RP1: variants seen among roughly 807,000 people sequenced by gnomAD.
RP1 encodes the protein RP1 axonemal microtubule associated.
Under a neutral mutation model 14.8 loss-of-function variants are expected in RP1, and 16 were observed. That is an observed-to-expected ratio of 1.08 (90% CI 0.73 to 1.65). The LOEUF (loss-of-function observed/expected upper bound fraction) is 1.65, where lower values mean the gene tolerates loss of function less well. RP1 is among the 40% of genes most tolerant of loss of function. The pLI is 0.00. For missense variants in RP1, 2,631 were observed against 2,535.0 expected (o/e 1.04, Z -0.81); for synonymous variants, 876 against 883.6 (o/e 0.99, Z 0.15).
intron 15 of RP1, chr8:54,706,716 G>A (rs553440382): frequency 6.7e-6 from 10 of 1,488,362 alleles, no homozygotes; most frequent in African/African-American, 4.2e-5. Context: ...TTGTAGACAT[G>A]AGAATAGCAC....
intron 1 of RP1, among the ~76,000 whole-genome samples, chr8:54,593,215 CTGAT>C (rs1805078183): frequency 6.6e-6 from 1 of 152,164 alleles, no homozygotes; most frequent in South Asian, 2.1e-4. Context: ...TGATGACTGA[CTGAT>C]CTTTAATCTG....
At chr8:54,675,953 T>C (rs1807286253) in intron 8 of RP1, among the ~76,000 whole-genome samples, 1 of 152,160 alleles carries the variant, frequency 6.6e-6, no homozygotes, top group African/African-American at 2.4e-5. Context: ...TGGCATTTGT[T>C]GTCTTGGGAG....
intron 24 of RP1, among the ~76,000 whole-genome samples, chr8:54,808,001 A>C (rs952397941): frequency 4.0e-5 from 6 of 151,866 alleles, no homozygotes; most frequent in African/African-American, 1.5e-4. Flanking sequence ...ACACCTTCTC[A>C]GGAACACTTA....
intron 1 of RP1, among the ~76,000 whole-genome samples, chr8:54,568,275 C>T (rs933685571): frequency 6.6e-6 from 1 of 152,078 alleles, no homozygotes; most frequent in Non-Finnish European, 1.5e-5. Context: ...GGGAAATATG[C>T]ATGGATTAGG....
At chr8:54,653,585 G>GA (rs1806698084) in intron 5 of RP1, among the ~76,000 whole-genome samples, 2 of 152,118 alleles carry the variant, frequency 1.3e-5, no homozygotes, top group Non-Finnish European at 2.9e-5. Context: ...CATAGATGAT[G>GA]AGTAATTCCT....
intron 19 of RP1, among the ~76,000 whole-genome samples, chr8:54,754,142 C>T (rs575626774): frequency 6.6e-6 from 1 of 152,132 alleles, no homozygotes; most frequent in South Asian, 2.1e-4. Context: ...GGAGGATTCA[C>T]TGGGTTGGGG....
At chr8:54,771,673 G>A (rs1406723339), downstream of RP1, among the ~76,000 whole-genome samples, 11 of 152,010 alleles carry the variant, frequency 7.2e-5, no homozygotes, top group Admixed American at 7.2e-4. Flanking sequence ...ATGATACAAT[G>A]TCATTGTGAA....
rs539603131 is a variant in RP1 at position 54,589,953 on chromosome 8, CT to C, written c.-13+30639del. Among the ~76,000 whole-genome samples the C allele has an allele frequency of 1.2e-3, 175 of 152,152 alleles. 1 individual carries two copies. Among genetic ancestry groups the C allele is most frequent in the Middle Eastern group, 3.4e-3 (1 of 294 alleles). The stretch of plus-strand genomic sequence containing the variant: ...TCTTTCTTTCTGAGATGATTTTATC[CT>C]TTTTTCCTTGAACCTCCTAAGCTTC... On this transcript the variant is annotated intron_variant, in intron 1 of 22. Coordinates refer to the RP1 transcript ENST00000636932.
rs187410505 is a variant in RP1 at position 54,856,448 on chromosome 8, G to A, written c.3991-580G>A. Among the ~76,000 whole-genome samples, 218 of 152,152 alleles carry A rather than the reference G, an allele frequency of 1.4e-3. 2 individuals are homozygous for A. Among genetic ancestry groups the A allele is most frequent in the African/African-American group, 4.9e-3 (204 of 41,500 alleles). On this transcript the variant is annotated intron_variant, in intron 26 of 28. Transcript: ENST00000637698. Reference sequence around the variant, plus strand: ...CCTATGCGTGTGTATGTATATGTATGTACATATACATATTTCAATACATAG... The same window carrying A: ...CCTATGCGTGTGTATGTATATGTATATACATATACATATTTCAATACATAG...
intron 1 of RP1, among the ~76,000 whole-genome samples, chr8:54,559,489 C>T (rs1804235594): frequency 6.6e-6 from 1 of 152,068 alleles, no homozygotes; most frequent in African/African-American, 2.4e-5. Flanking sequence ...GTAAAGCAAG[C>T]AGTGGAAGGC....
chr8:54,775,284 A>G (rs1276579914), intron 23 of RP1, among the ~76,000 whole-genome samples: 5 of 152,320 alleles, frequency 3.3e-5, no homozygotes, highest in African/African-American at 1.2e-4. Context: ...TGAACTCAAC[A>G]AAAGGTGGAA....
intron 24 of RP1, among the ~76,000 whole-genome samples, chr8:54,796,303 A>T (rs1810575304): frequency 6.6e-6 from 1 of 152,212 alleles, no homozygotes. Context: ...AAGGGCATGT[A>T]GTCAACACTC....
intron 24 of RP1, among the ~76,000 whole-genome samples, chr8:54,828,853 C>CTTCT (rs1811448493): frequency 7.1e-6 from 1 of 140,854 alleles, no homozygotes; most frequent in Non-Finnish European, 1.5e-5. Flanking sequence ...TCTTCTTCTT[C>CTTCT]TTCTTCTTTC....
At chr8:54,769,360 G>C (rs1809844715) in intron 22 of RP1, among the ~76,000 whole-genome samples, 1 of 152,158 alleles carries the variant, frequency 6.6e-6, no homozygotes, top group Non-Finnish European at 1.5e-5. Flanking sequence ...GCTGGCCCAG[G>C]TACCATGCTC....
intron 16 of RP1, among the ~76,000 whole-genome samples, chr8:54,725,840 T>C (rs1808641900): frequency 6.6e-6 from 1 of 152,194 alleles, no homozygotes; most frequent in Non-Finnish European, 1.5e-5. Context: ...AACTTAGAGA[T>C]ACCTATTTCT....
At chr8:54,575,385 A>AT (rs35316623) in intron 1 of RP1, among the ~76,000 whole-genome samples, 47,048 of 150,888 alleles carry the variant, frequency 0.31, 8,238 homozygotes, top group Middle Eastern at 0.41. Flanking sequence ...AAGAAAAATT[A>AT]TTTTTTTTTT....
At chr8:54,815,415 C>T (rs769210646) in intron 24 of RP1, among the ~76,000 whole-genome samples, 1 of 152,190 alleles carries the variant, frequency 6.6e-6, no homozygotes, top group Non-Finnish European at 1.5e-5. Flanking sequence ...TTAATATTTG[C>T]ATCAACTCAA....
chr8:54,678,587 A>G (rs1420588823), intron 9 of RP1: 1 of 1,446,076 alleles, frequency 6.9e-7, no homozygotes, highest in Non-Finnish European at 9.3e-7. Flanking sequence ...GTTAGTTCCA[A>G]GTTTGTGCAT....
chr8:54,870,949 TC>T (rs1444767317), exon 29 of RP1: 1 of 152,070 alleles, frequency 6.6e-6, no homozygotes, highest in African/African-American at 2.4e-5. Flanking sequence ...ACCTTGGCCC[TC>T]CTGCCTTCCC....
Sources: allele counts gnomAD v4.1 joint callset (sites outside exome capture counted in the v4.1 genomes callset), GRCh38; gene constraint gnomAD v4.1.1; transcripts MANE v1.5; gene names NCBI Gene and HGNC (gene_info 2026-07-23, HGNC 2026-07-21).